Variants in UST observed in about 807,000 individuals in gnomAD.
UST encodes the protein chondroitin sulfate 2-O-sulfotransferase.
UST carries 21 observed loss-of-function variants against 45.6 expected under a neutral mutation model. That is an observed-to-expected ratio of 0.46 (90% CI 0.33 to 0.66). The LOEUF (loss-of-function observed/expected upper bound fraction) is 0.66. Ranked by LOEUF, UST falls within the 30% of genes least tolerant of loss-of-function variation. The pLI is 0.02. For synonymous variants in UST, 215 were observed against 200.6 expected (o/e 1.07, Z -0.61); for missense variants, 463 against 512.4 (o/e 0.90, Z 0.93).
rs181453801 is a variant in UST, at chr6:149,006,637, G to T, written c.682-12502G>T. 6.8e-3 allele frequency among the ~76,000 whole-genome samples: 1,031 copies of T among 152,252 alleles called. 11 individuals are homozygous for T. Among genetic ancestry groups the T allele is most frequent in the African/African-American group, 0.024 (987 of 41,536 alleles). ...AGTAATGGGATTGCTGGGTCAAATGGTATTTCTGGTTGTAGATCTTTGAGG... is the reference window on the plus strand; with the variant it reads ...AGTAATGGGATTGCTGGGTCAAATGTTATTTCTGGTTGTAGATCTTTGAGG... On this transcript the variant is annotated intron_variant, in intron 5 of 7. Transcript: ENST00000367463.
At chr6:148,951,933 A>G (rs1780373107) in intron 3 of UST, among the ~76,000 whole-genome samples, 1 of 152,258 alleles carries the variant, frequency 6.6e-6, no homozygotes, top group South Asian at 2.1e-4. Flanking sequence ...CTATTCTTCC[A>G]TTAAATTTAA....
intron 7 of UST, among the ~76,000 whole-genome samples, chr6:149,064,465 A>C (rs1008880953): frequency 2.6e-5 from 4 of 152,180 alleles, no homozygotes; most frequent in Admixed American, 2.0e-4. Context: ...CAAAGTGCCA[A>C]CTGATGATGA....
At chr6:149,015,046 G>C (rs1169481835) in intron 5 of UST, among the ~76,000 whole-genome samples, 1 of 152,066 alleles carries the variant, frequency 6.6e-6, no homozygotes, top group Non-Finnish European at 1.5e-5. Context: ...TGGGAGTAAG[G>C]GTGAGAGAGG....
intron 1 of UST, among the ~76,000 whole-genome samples, chr6:148,808,027 A>T (rs932930783): frequency 6.6e-6 from 1 of 152,194 alleles, no homozygotes; most frequent in African/African-American, 2.4e-5. Context: ...TGGGGAAGCC[A>T]GGGTGGGAGG....
intron 1 of UST, among the ~76,000 whole-genome samples, chr6:148,817,192 A>G (rs1453520157): frequency 6.6e-6 from 1 of 152,258 alleles, no homozygotes. Flanking sequence ...AATAAAGGCT[A>G]ACTTTCACTA....
intron 5 of UST, among the ~76,000 whole-genome samples, chr6:148,978,812 A>G (rs962896860): frequency 5.9e-5 from 9 of 152,174 alleles, no homozygotes; most frequent in African/African-American, 2.2e-4. Context: ...CACGTTCAGC[A>G]TATGTATTCC....
At chr6:148,894,209 C>A (rs1385024302) in intron 2 of UST, among the ~76,000 whole-genome samples, 1 of 152,162 alleles carries the variant, frequency 6.6e-6, no homozygotes, top group Non-Finnish European at 1.5e-5. Context: ...AATGATCAGT[C>A]ACAAATCCAG....
At chr6:148,942,790 T>A (rs1375027853) in intron 3 of UST, among the ~76,000 whole-genome samples, 3 of 152,206 alleles carry the variant, frequency 2.0e-5, no homozygotes, top group Non-Finnish European at 4.4e-5. Flanking sequence ...ATGTTTTGTG[T>A]CTTTTATAAT....
chr6:148,856,200 TA>T (rs1778200959), intron 1 of UST, among the ~76,000 whole-genome samples: 1 of 152,068 alleles, frequency 6.6e-6, no homozygotes, highest in African/African-American at 2.4e-5. Flanking sequence ...TAGTTTTTAG[TA>T]GAGATGGGGT....
At chr6:148,769,210 A>C (rs1776374468) in intron 1 of UST, among the ~76,000 whole-genome samples, 1 of 152,226 alleles carries the variant, frequency 6.6e-6, no homozygotes, top group Non-Finnish European at 1.5e-5. Context: ...CACAGACAGC[A>C]CTCATTTGAA....
intron 1 of UST, among the ~76,000 whole-genome samples, chr6:148,827,138 T>C (rs997567414): frequency 6.6e-6 from 1 of 152,198 alleles, no homozygotes; most frequent in Non-Finnish European, 1.5e-5. Flanking sequence ...GTGCATGTGG[T>C]TTATGTATGA....
intron 1 of UST, among the ~76,000 whole-genome samples, chr6:148,836,354 G>T (rs149581783): frequency 1.3e-5 from 2 of 152,116 alleles, no homozygotes; most frequent in African/African-American, 2.4e-5. Context: ...TCACATTTGC[G>T]TGTGTTAACT....
chr6:149,011,536 T>A (rs1291708348), intron 5 of UST, among the ~76,000 whole-genome samples: 1 of 152,226 alleles, frequency 6.6e-6, no homozygotes. Flanking sequence ...AAAGCATGTA[T>A]GCTGACAATT....
chr6:148,826,486 T>A (rs1777569691), intron 1 of UST, among the ~76,000 whole-genome samples: 1 of 152,158 alleles, frequency 6.6e-6, no homozygotes. Context: ...CACTTGATTG[T>A]CATTATACAA....
intron 7 of UST, among the ~76,000 whole-genome samples, chr6:149,040,465 G>A (rs1776296117): frequency 6.6e-6 from 1 of 152,086 alleles, no homozygotes; most frequent in Non-Finnish European, 1.5e-5. Context: ...GACCAGCCTG[G>A]CCAACATGGT....
At chr6:149,058,799 TA>T (rs1198127347) in intron 7 of UST, among the ~76,000 whole-genome samples, 1 of 152,186 alleles carries the variant, frequency 6.6e-6, no homozygotes, top group African/African-American at 2.4e-5. Context: ...TAAACAGAAA[TA>T]TCTGCTTCAA....
At chr6:149,013,347 C>T (rs1471143629) in intron 5 of UST, among the ~76,000 whole-genome samples, 1 of 151,852 alleles carries the variant, frequency 6.6e-6, no homozygotes, top group African/African-American at 2.4e-5. Flanking sequence ...GTCAGGAGTT[C>T]GAGTTTGCCG....
chr6:148,935,635 T>C (rs971937381), intron 2 of UST, among the ~76,000 whole-genome samples: 1 of 152,204 alleles, frequency 6.6e-6, no homozygotes, highest in Non-Finnish European at 1.5e-5. Flanking sequence ...CTTAGGATTT[T>C]GTATACATTT....
At chr6:148,951,011 A>G (rs1386856564) in intron 3 of UST, among the ~76,000 whole-genome samples, 1 of 152,244 alleles carries the variant, frequency 6.6e-6, no homozygotes, top group East Asian at 1.9e-4. Context: ...AAGAGTGGTT[A>G]GTATTTAGAC....
Sources: allele counts gnomAD v4.1 joint callset (sites outside exome capture counted in the v4.1 genomes callset), GRCh38; gene constraint gnomAD v4.1.1; transcripts MANE v1.5; gene names NCBI Gene and HGNC (gene_info 2026-07-23, HGNC 2026-07-21).